PRKD2: variants seen among roughly 807,000 people sequenced by gnomAD.
The protein encoded by PRKD2 is serine/threonine-protein kinase D2.
A neutral mutation model predicts 86.0 loss-of-function variants in PRKD2; 22 were observed. The observed-to-expected ratio is 0.26, with a 90% confidence interval of 0.18 to 0.37. PRKD2 has a LOEUF of 0.37. PRKD2 is among the 10% of genes least tolerant of loss of function. The pLI is 1.00. For missense variants in PRKD2, 818 were observed against 1,199.2 expected, an observed-to-expected ratio of 0.68 and a Z score of 4.70; for synonymous variants, 509 against 510.9, an observed-to-expected ratio of 1.00 and a Z score of 0.05.
chr19:46,682,888 G>A (rs2053329760), intron 14 of PRKD2, among the ~76,000 whole-genome samples: 1 of 151,344 alleles, frequency 6.6e-6, no homozygotes, highest in Admixed American at 6.6e-5. Flanking sequence ...TATTTGTAGA[G>A]ACAGTGTCTC....
chr19:46,681,054 T>C (rs377722495), intron 15 of PRKD2, among the ~76,000 whole-genome samples: 2 of 147,438 alleles, frequency 1.4e-5, no homozygotes, highest in East Asian at 2.0e-4. Flanking sequence ...CCCGGGTTCA[T>C]GCCATTCTCC....
At chr19:46,711,551 C>A (rs890207525) in intron 2 of PRKD2, among the ~76,000 whole-genome samples, 7 of 152,000 alleles carry the variant, frequency 4.6e-5, no homozygotes, top group African/African-American at 9.7e-5. Flanking sequence ...CGCCACCACA[C>A]CCGACTAATT....
chr19:46,713,056 T>G (rs1005583182), intron 2 of PRKD2, among the ~76,000 whole-genome samples: 5 of 152,098 alleles, frequency 3.3e-5, no homozygotes, highest in African/African-American at 1.2e-4. Context: ...TCTCTCTCTG[T>G]TGCCCAGGCT....
chr19:46,694,210 C>T lies in PRKD2; in HGVS notation c.1318-77G>A, dbSNP rs985703291. 4.2e-5 allele frequency: 66 copies of T among 1,553,912 alleles called. 2 individuals are homozygous for T. In the South Asian group the frequency reaches 4.9e-4, roughly 11 times the overall value. On this transcript the variant is annotated intron_variant, in intron 9 of 17. Coordinates refer to ENST00000291281, the MANE Select transcript of PRKD2 (RefSeq NM_016457.5). ...TCTAGTGCTTACCCAGAAGGATACACGGGATCCATGTTGATAGGGATGGGC... is the reference window on the plus strand; with the variant it reads ...TCTAGTGCTTACCCAGAAGGATACATGGGATCCATGTTGATAGGGATGGGC...
chr19:46,678,321 CT>C lies in PRKD2; in HGVS notation c.2338+74del, dbSNP rs2053242429. On this transcript the variant is annotated intron_variant, in intron 16 of 17. Transcript: ENST00000291281. This position sits in a 1 kb window ranked among gnomAD's most constrained non-coding sequence, Gnocchi z 5.7. ...CCAGGCTGTTTCCGGGTCCACCCCC[CT>C]CTCATGGCTCCGCCCACTTCTCCAG... 1 of 1,551,504 alleles carries C rather than the reference CT, an allele frequency of 6.4e-7. No individual in the cohort carries two copies. Among genetic ancestry groups the C allele is most frequent in the Non-Finnish European group, 8.7e-7 (1 of 1,151,238 alleles).
intron 2 of PRKD2, among the ~76,000 whole-genome samples, chr19:46,713,431 A>G (rs2053837137): frequency 6.6e-6 from 1 of 152,074 alleles, no homozygotes; most frequent in Non-Finnish European, 1.5e-5. Flanking sequence ...AGTTTTATAA[A>G]TAAATAAGTA....
intron 14 of PRKD2, among the ~76,000 whole-genome samples, chr19:46,686,680 G>C (rs999375953): frequency 6.7e-6 from 1 of 150,274 alleles, no homozygotes; most frequent in Non-Finnish European, 1.5e-5. Context: ...GGCCAGGCGC[G>C]GTGGCTCACA....
At chr19:46,677,692 C>A (rs1445644046) in intron 16 of PRKD2, among the ~76,000 whole-genome samples, 1 of 152,180 alleles carries the variant, frequency 6.6e-6, no homozygotes. Context: ...TCAGGCCCAG[C>A]CACAACACCA....
Position 46,694,557 on chromosome 19 carries a change from T to C in PRKD2, c.1318-424A>G, listed in dbSNP as rs547756393. 2.0e-5 allele frequency among the ~76,000 whole-genome samples: 3 copies of C among 152,216 alleles called. No homozygotes were observed. In the East Asian group the frequency reaches 5.8e-4, roughly 30 times the overall value. On this transcript the variant is annotated intron_variant, in intron 9 of 17. Coordinates refer to ENST00000291281, the MANE Select transcript of PRKD2 (RefSeq NM_016457.5). ...TTGTAATGAGCCAAGATCGCACCAC[T>C]GCACTCCAGCCTGGGCGACAGAGTG...
rs541368642 is a variant in PRKD2 at position 46,676,421 on chromosome 19, G to A, written c.2339-1303C>T. On this transcript the variant is annotated intron_variant, in intron 16 of 17. Transcript: ENST00000291281. ...GCCCGGGTGACAAAAGCGAAACTCC[G>A]TCTCAAAACAAAACAAAACAAAACA... Among the ~76,000 whole-genome samples the A allele has an allele frequency of 3.7e-4, 56 of 151,894 alleles. No homozygotes were observed. The Middle Eastern group carries it at 0.01, about 28-fold the overall frequency.
In PRKD2 at chr19:46,679,140, C is replaced by T. The variant is rs377256211; in HGVS notation, c.2071-477G>A. On this transcript the variant is annotated intron_variant, in intron 15 of 17. Transcript: ENST00000291281. ...GATGGATCATTTGAGGTCAGGAGTT[C>T]GAGACCAGCCTGGCCAACACGATGA... Among the ~76,000 whole-genome samples, 227 of 152,064 alleles carry T rather than the reference C, an allele frequency of 1.5e-3. 1 individual carries two copies. Among genetic ancestry groups the T allele is most frequent in the African/African-American group, 5.3e-3 (218 of 41,482 alleles).
At chr19:46,698,983 G>T (rs1377914626) in intron 7 of PRKD2, among the ~76,000 whole-genome samples, 1 of 152,138 alleles carries the variant, frequency 6.6e-6, no homozygotes, top group African/African-American at 2.4e-5. Flanking sequence ...AGACGTGGGA[G>T]AAAGGGAACC....
chr19:46,692,114 T>C, intron 10 of PRKD2, 129 bp from the exon 11 acceptor site: 1 of 873,438 alleles, frequency 1.1e-6, no homozygotes, highest in Non-Finnish European at 1.9e-6. Context: ...AATGTGCAAC[T>C]TCAGGCTGGT....
At chr19:46,675,611 CTT>C (rs2053188473) in intron 16 of PRKD2, among the ~76,000 whole-genome samples, 1 of 151,982 alleles carries the variant, frequency 6.6e-6, no homozygotes, top group Non-Finnish European at 1.5e-5. Flanking sequence ...GTCCTGCTAA[CTT>C]TTTGTATTTT....
At position 46,694,019 on chromosome 19, in the gene PRKD2, C is replaced by T. The variant is rs1276971441; in HGVS notation, c.1432G>A (p.Val478Met). The change falls in exon 10 of 18, where the codon GTG becomes ATG. Residue 478 changes from valine (V) to methionine (M), a missense_variant. Coordinates refer to ENST00000291281, the MANE Select transcript of PRKD2 (RefSeq NM_016457.5). Reference sequence around the variant, plus strand: ...GGAGTCCCGCCAGGCATCTCGCCCACGAAGTAGGTGGCATTGGCAGTGACG... The same window carrying T: ...GGAGTCCCGCCAGGCATCTCGCCCATGAAGTAGGTGGCATTGGCAGTGACG... ...EIVTANATYF[V>M]GEMPGGTPGG... 1.2e-6 allele frequency: 2 copies of T among 1,614,102 alleles called. No homozygotes were observed. Among genetic ancestry groups the T allele is most frequent in the South Asian group, 1.1e-5 (1 of 91,086 alleles).
chr19:46,699,186 C>T (rs1001117321), intron 7 of PRKD2, among the ~76,000 whole-genome samples: 3 of 152,152 alleles, frequency 2.0e-5, no homozygotes, highest in Non-Finnish European at 4.4e-5. Flanking sequence ...TTGCCTCTGC[C>T]TGGAAGCCTT....
intron 7 of PRKD2, among the ~76,000 whole-genome samples, chr19:46,699,217 G>A (rs1170832308): frequency 1.3e-5 from 2 of 152,048 alleles, no homozygotes; most frequent in Non-Finnish European, 2.9e-5. Context: ...GCCCCACAAG[G>A]CTCCTTCCCT....
chr19:46,690,732 GGAT>G, intron 12 of PRKD2, 26 bp from the exon 13 acceptor site: 1 of 1,599,756 alleles, frequency 6.3e-7, no homozygotes, highest in Non-Finnish European at 8.6e-7. Flanking sequence ...AAGAGATGGG[GGAT>G]GAGAGAGCAA....
intron 5 of PRKD2, among the ~76,000 whole-genome samples, chr19:46,703,958 A>ACACACACACACACACACAC (rs1555830818): frequency 2.2e-5 from 3 of 133,740 alleles, no homozygotes; most frequent in African/African-American, 5.8e-5. Context: ...AAACAACAAC[A>ACACACACACACACACACAC]ACACACACAC....
Sources: allele counts gnomAD v4.1 joint callset (sites outside exome capture counted in the v4.1 genomes callset), GRCh38; gene constraint gnomAD v4.1.1; non-coding constraint Gnocchi (gnomAD v3.1); transcripts MANE v1.5; gene names NCBI Gene and HGNC (gene_info 2026-07-23, HGNC 2026-07-21).